The following MAPK10 variants were observed in gnomAD, a reference collection of about 807,000 sequenced individuals.
The protein encoded by MAPK10 is JNK3 alpha protein kinase.
A neutral mutation model predicts 59.3 loss-of-function variants in MAPK10; 25 were observed. That is an observed-to-expected ratio of 0.42 (90% CI 0.31 to 0.59). The LOEUF is 0.59. Ranked by LOEUF, MAPK10 falls within the 20% of genes least tolerant of loss-of-function variation. The pLI is 0.15. For synonymous variants in MAPK10, 190 were observed against 200.5 expected (o/e 0.95, Z 0.44); for missense variants, 351 against 568.9 (o/e 0.62, Z 3.90).
At chr4:86,169,266 G>A (rs867653397) in intron 3 of MAPK10, among the ~76,000 whole-genome samples, 37 of 152,094 alleles carry the variant, frequency 2.4e-4, no homozygotes, top group South Asian at 2.1e-3. Flanking sequence ...AAACTACTCC[G>A]AGCTACAGGA....
chr4:86,591,458 C>T (rs373696756), intron 1 of MAPK10, among the ~76,000 whole-genome samples: 15 of 152,064 alleles, frequency 9.9e-5, no homozygotes, highest in African/African-American at 3.4e-4. Flanking sequence ...ACTTCAGCCT[C>T]GACATCCTGG....
intron 2 of MAPK10, among the ~76,000 whole-genome samples, chr4:86,207,560 G>T (rs1361325964): frequency 2.0e-5 from 3 of 152,130 alleles, no homozygotes; most frequent in Non-Finnish European, 4.4e-5. Flanking sequence ...GAACTTTAAA[G>T]TAGTTTTTTC....
chr4:86,102,318 AATATT>A (rs1158367978), intron 6 of MAPK10: 1 of 286,698 alleles, frequency 3.5e-6, no homozygotes, highest in African/African-American at 2.1e-5. Context: ...CTCTTTTGTG[AATATT>A]ATAATTTCAA....
chr4:86,485,990 G>T (rs1229246823), intron 1 of MAPK10, among the ~76,000 whole-genome samples: 1 of 152,220 alleles, frequency 6.6e-6, no homozygotes, highest in Non-Finnish European at 1.5e-5. Context: ...AAGCCCTCCA[G>T]TCTGTGGTAT....
At chr4:86,168,774 GA>G (rs2072907398) in intron 3 of MAPK10, among the ~76,000 whole-genome samples, 1 of 152,170 alleles carries the variant, frequency 6.6e-6, no homozygotes, top group South Asian at 2.1e-4. Flanking sequence ...GTGGGTCCCT[GA>G]CCCCTGACCC....
chr4:86,098,358 C>T (rs936963676), intron 9 of MAPK10, 166 bp downstream of exon 9: 13 of 767,954 alleles, frequency 1.7e-5, no homozygotes, highest in Admixed American at 3.8e-5. Flanking sequence ...TTGTGGTAGG[C>T]AGTCTTCAGT....
intron 1 of MAPK10, among the ~76,000 whole-genome samples, chr4:86,430,328 A>C (rs1747866796): frequency 6.6e-6 from 1 of 152,232 alleles, no homozygotes; most frequent in Non-Finnish European, 1.5e-5. Context: ...TAAAGTATGA[A>C]TTCATTGGCA....
intron 2 of MAPK10, among the ~76,000 whole-genome samples, chr4:86,310,240 C>T (rs553650001): frequency 6.6e-6 from 1 of 152,248 alleles, no homozygotes; most frequent in South Asian, 2.1e-4. Flanking sequence ...TAAAACCAAG[C>T]CGTGCCCCGA....
chr4:86,168,506 G>A (rs962086890), intron 3 of MAPK10, among the ~76,000 whole-genome samples: 4 of 152,222 alleles, frequency 2.6e-5, no homozygotes, highest in Non-Finnish European at 4.4e-5. Flanking sequence ...GCGAGGCTGG[G>A]GGAGAGGCGC....
At chr4:86,479,944 C>G (rs570205006) in intron 1 of MAPK10, among the ~76,000 whole-genome samples, 2 of 152,004 alleles carry the variant, frequency 1.3e-5, no homozygotes, top group African/African-American at 4.8e-5. Flanking sequence ...TAATCCTGCT[C>G]GAAGCATCCC....
intron 1 of MAPK10, among the ~76,000 whole-genome samples, chr4:86,398,456 T>C (rs1425960972): frequency 2.0e-5 from 3 of 152,176 alleles, no homozygotes; most frequent in Admixed American, 2.0e-4. Flanking sequence ...AGGCTGCTAG[T>C]AAATAACAGA....
intron 11 of MAPK10, among the ~76,000 whole-genome samples, chr4:86,057,678 A>G (rs777959556): frequency 5.3e-5 from 8 of 150,076 alleles, no homozygotes; most frequent in Non-Finnish European, 1.2e-4. Flanking sequence ...GTGTGGGTTC[A>G]GTCAATATTT....
intron 1 of MAPK10, among the ~76,000 whole-genome samples, chr4:86,443,548 G>T (rs1213077659): frequency 6.6e-6 from 1 of 150,822 alleles, no homozygotes; most frequent in Non-Finnish European, 1.5e-5. Flanking sequence ...CAGACCAAGG[G>T]CACAGCCTCG....
At chr4:86,080,620 A>G (rs1346813174) in intron 9 of MAPK10, 1 of 152,006 alleles carries the variant, frequency 6.6e-6, no homozygotes, top group African/African-American at 2.4e-5. Flanking sequence ...TGTAAGAAGT[A>G]GTGGTAAGCC....
intron 1 of MAPK10, among the ~76,000 whole-genome samples, chr4:86,442,809 G>A (rs996889627): frequency 4.6e-5 from 7 of 151,986 alleles, no homozygotes; most frequent in Non-Finnish European, 7.4e-5. Context: ...TTCTCCGAAT[G>A]ATATTTGGGA....
At position 86,482,946 on chromosome 4, in the gene MAPK10, CA is replaced by C. The variant is rs1753717446; in HGVS notation, c.-263+110963del. 3.9e-5 allele frequency among the ~76,000 whole-genome samples: 6 copies of C among 152,114 alleles called. No homozygotes were observed. The South Asian group carries it at 1.2e-3, about 32-fold the overall frequency. ...GTTAGGCATACAACATTTAGCTTTC[CA>C]AAGAGCTGATTGTAGGATTTAGACA... On this transcript the variant is annotated intron_variant, in intron 1 of 4. Transcript: ENST00000502302.
At position 86,466,256 on chromosome 4, in the gene MAPK10, C is replaced by T. The variant is rs138024339; in HGVS notation, c.-262-111612G>A. 5.7e-3 allele frequency among the ~76,000 whole-genome samples: 863 copies of T among 152,256 alleles called. 15 individuals are homozygous for T. Among genetic ancestry groups the T allele is most frequent in the African/African-American group, 0.02 (830 of 41,548 alleles). On this transcript the variant is annotated intron_variant, in intron 1 of 4. Transcript: ENST00000502302. ...CAGAACAGGCAGAGGTGCTGTGCAACGATTCCTATGGAATCATTATTGATT... is the reference window on the plus strand; with the variant it reads ...CAGAACAGGCAGAGGTGCTGTGCAATGATTCCTATGGAATCATTATTGATT...
chr4:86,295,503 T>A (rs1331685727), intron 2 of MAPK10, among the ~76,000 whole-genome samples: 2 of 152,104 alleles, frequency 1.3e-5, no homozygotes, highest in Non-Finnish European at 2.9e-5. Context: ...AGGCAGGGGT[T>A]TTTGTTCTGT....
chr4:86,537,777 T>C (rs1758360179), intron 1 of MAPK10, among the ~76,000 whole-genome samples: 1 of 152,240 alleles, frequency 6.6e-6, no homozygotes, highest in Admixed American at 6.5e-5. Context: ...TTGTGGCTTA[T>C]CTGGGCACTA....
Sources: gnomAD v4.1 joint callset for allele counts (sites outside exome capture counted in the v4.1 genomes callset) on GRCh38, gnomAD v4.1.1 for gene constraint, MANE v1.5 for transcripts, NCBI Gene and HGNC (gene_info 2026-07-23, HGNC 2026-07-21) for gene names.